ZNF613: variants seen among roughly 807,000 people sequenced by gnomAD.
ZNF613 encodes the protein zinc finger protein 613.
Under a neutral mutation model 14.3 loss-of-function variants are expected in ZNF613, and 8 were observed. The ratio of observed to expected loss-of-function variants is 0.56; its 90% CI spans 0.33 to 1.01. The LOEUF (loss-of-function observed/expected upper bound fraction) is 1.01, where lower values mean the gene tolerates loss of function less well. Among genes scored for constraint, ZNF613 ranks in the 50% least tolerant of loss-of-function variants. The pLI is 0.03. For missense variants in ZNF613, 656 were observed against 741.9 expected (o/e 0.88, Z 1.35); for synonymous variants, 228 against 254.5 (o/e 0.90, Z 0.99).
chr19:51,936,468 C>G lies in ZNF613; in HGVS notation c.15+233C>G, dbSNP rs2085306000. 2.0e-5 allele frequency among the ~76,000 whole-genome samples: 3 copies of G among 152,082 alleles called. No individual in the cohort carries two copies. In the South Asian group the frequency reaches 6.2e-4, roughly 31 times the overall value. ...TGTCTGGCATAGAGCTCCTAAAACCCTTGGAATTTCCTGAATGATAAGGGT... is the reference window on the plus strand; with the variant it reads ...TGTCTGGCATAGAGCTCCTAAAACCGTTGGAATTTCCTGAATGATAAGGGT... On this transcript the variant is annotated intron_variant, in intron 3 of 5. Transcript: ENST00000293471.
At chr19:51,940,814 GCCTCCATGTATC>G in intron 5 of ZNF613, 105 bp downstream of exon 5, 1 of 763,576 alleles carries the variant, frequency 1.3e-6, no homozygotes, top group Non-Finnish European at 2.0e-6. Flanking sequence ...TGTGGACAGA[GCCTCCATGTATC>G]CCTCTCCCCA....
rs1424940889 is a variant in ZNF613, at chr19:51,940,637, G to A, written c.163G>A (p.Asp55Asn). ...AACAGGGTATCAAGCCAGCAAACCA[G>A]ATGCACTCTTCAAGTTGGAACAAGG... ...VSVGYQASKPDALFKLEQGEP... is the reference protein window; with the variant it reads ...VSVGYQASKPNALFKLEQGEP... Residue 55 changes from aspartate to asparagine, a missense_variant, in exon 5 of 6, where the codon GAT becomes AAT. By Grantham distance (23) the Asp-to-Asn change is conservative (BLOSUM62 1). Transcript: ENST00000293471. The A allele has an allele frequency of 1.2e-6, 2 of 1,613,336 alleles. No homozygotes were observed. Among genetic ancestry groups the A allele is most frequent in the Non-Finnish European group, 1.7e-6 (2 of 1,179,662 alleles).
Position 51,945,835 on chromosome 19 carries a change from G to T in ZNF613, c.*98G>T. 7.3e-7 allele frequency: 1 copy of T among 1,374,534 alleles called. No homozygotes were observed. The allele number at this position is 1,374,534 out of a possible 1,614,324, so 85.1% of individuals were successfully genotyped here. A position where few individuals can be genotyped will look rare whatever the true frequency, so the allele number is the denominator to read the frequency against. The stretch of plus-strand genomic sequence containing the variant: ...AGGAACAAACTGATATATTCAAGGT[G>T]GAAAGCCCTTGAATAAAACCTTATG... On this transcript the variant is annotated 3_prime_UTR_variant, in exon 6 of 6. Transcript: ENST00000293471.
chr19:51,943,028 A>G (rs1044711043), intron 5 of ZNF613, among the ~76,000 whole-genome samples: 2 of 152,176 alleles, frequency 1.3e-5, no homozygotes, highest in Non-Finnish European at 2.9e-5. Flanking sequence ...TTATGAGATG[A>G]GGAAACATGA....
chr19:51,930,418 T>C (rs141390042), intron 2 of ZNF613, among the ~76,000 whole-genome samples: 2,859 of 152,126 alleles, frequency 0.019, 47 homozygotes, highest in Admixed American at 0.022. Context: ...CCTGCTACCA[T>C]GCATGGCTAA....
chr19:51,935,616 C>CTACATGTAAACA (rs2085300072), intron 2 of ZNF613, among the ~76,000 whole-genome samples: 1 of 152,176 alleles, frequency 6.6e-6, no homozygotes, highest in Non-Finnish European at 1.5e-5. Context: ...TGAGGCATGC[C>CTACATGTAAACA]TACATGTGAG....
At position 51,945,337 on chromosome 19, in the gene ZNF613, C is replaced by T. The variant is rs747059247; in HGVS notation, c.1454C>T (p.Thr485Ile). The stretch of plus-strand genomic sequence containing the variant: ...ATTCACACAGGAGAGAAACCCTATA[C>T]ATGCAGTGACTGTGGGAAAGCTTTC... ...QRIHTGEKPYTCSDCGKAFRD... is the reference protein window; with the variant it reads ...QRIHTGEKPYICSDCGKAFRD... The change falls in exon 6 of 6, where the codon ACA (threonine) becomes ATA (isoleucine). Residue 485 changes from threonine (T) to isoleucine (I), a missense_variant. Coordinates refer to ENST00000293471, the MANE Select transcript of ZNF613 (RefSeq NM_001031721.4). 4.3e-6 allele frequency: 7 copies of T among 1,614,062 alleles called. No individual in the cohort carries two copies. The East Asian group carries it at 1.1e-4, about 26-fold the overall frequency.
At chr19:51,930,044 A>C (rs1278277656) in intron 2 of ZNF613, 148 bp downstream of exon 2, 1 of 152,168 alleles carries the variant, frequency 6.6e-6, no homozygotes, top group Non-Finnish European at 1.5e-5. Context: ...CCATCACCAA[A>C]GTCAACTTTA....
Position 51,944,639 on chromosome 19 carries a change from A to C in ZNF613, c.756A>C (p.Arg252Ser). 6.2e-7 allele frequency: 1 copy of C among 1,614,196 alleles called. No individual in the cohort carries two copies. The highest frequency in any genetic ancestry group is 8.5e-7 in the Non-Finnish European group (1 of 1,180,028). ...AGTCCGGGCTCACTGAACACCAGAG[A>C]AACCACACAGGAGAGAAACCCTATG... is the stretch of plus-strand genomic sequence containing the variant. ...SRKSGLTEHQ[R>S]NHTGEKPYEC... The change falls in exon 6 of 6, where the codon AGA becomes AGC. Residue 252 changes from arginine (R) to serine (S), a missense_variant. Physicochemically the swap from Arg to Ser is moderately radical, Grantham distance 110. Transcript: ENST00000293471.
chr19:51,936,003 A>G (rs902558005), intron 2 of ZNF613, 25 bp from the exon 3 acceptor site: 1 of 440,758 alleles, frequency 2.3e-6, no homozygotes, highest in African/African-American at 2.0e-5. Context: ...CAGGGAATGT[A>G]CACTCAAATC....
chr19:51,928,247 C>A (rs1201033109), intron 1 of ZNF613, among the ~76,000 whole-genome samples: 1 of 152,070 alleles, frequency 6.6e-6, no homozygotes, highest in East Asian at 1.9e-4. Flanking sequence ...ATTTAATATG[C>A]GACTCAGTGA....
Position 51,940,271 on chromosome 19 carries a change from C to A in ZNF613, c.78C>A (p.Gly26=). ...CTTGGGAGGAGTGGCAGCTCCTCGG[C>A]CCTGCTCAGAAGGACCTGTACCGAG... ...EFTWEEWQLL[G]PAQKDLYRDV... is the part of the protein sequence containing the mutation. Residue 26 remains glycine (G), a synonymous_variant, in exon 4 of 6, where the codon GGC becomes GGA. Coordinates refer to ENST00000293471, the MANE Select transcript of ZNF613 (RefSeq NM_001031721.4). 6.2e-7 allele frequency: 1 copy of A among 1,613,770 alleles called. No homozygotes were observed. The highest frequency in any genetic ancestry group is 1.1e-5 in the South Asian group (1 of 91,066).
At chr19:51,936,787 C>G (rs2085308542) in intron 3 of ZNF613, among the ~76,000 whole-genome samples, 1 of 152,134 alleles carries the variant, frequency 6.6e-6, no homozygotes, top group African/African-American at 2.4e-5. Flanking sequence ...GCCTGGTCCT[C>G]TTTTTTTGTA....
rs1163039988 is a variant in ZNF613 at position 51,944,962 on chromosome 19, A to G, written c.1079A>G (p.Asn360Ser). ...DKAFRWKSQL[N>S]AHQKAHTGEK... ...GCATTCCGCTGGAAATCACAGCTCA[A>G]TGCACATCAGAAAGCTCACACAGGA... is the stretch of plus-strand genomic sequence containing the variant. Residue 360 changes from asparagine to serine, a missense_variant, in exon 6 of 6, where the codon AAT becomes AGT. By Grantham distance (46) the Asn-to-Ser change is conservative. Transcript: ENST00000293471. 9.9e-6 allele frequency: 16 copies of G among 1,614,058 alleles called. No homozygotes were observed. The highest frequency in any genetic ancestry group is 9.3e-5 in the African/African-American group (7 of 74,922).
At chr19:51,933,489 G>A (rs1392717084) in intron 2 of ZNF613, among the ~76,000 whole-genome samples, 1 of 151,992 alleles carries the variant, frequency 6.6e-6, no homozygotes. Context: ...TGTCACCTAG[G>A]CTGGAGTACA....
chr19:51,933,128 G>C (rs144210528), intron 2 of ZNF613, among the ~76,000 whole-genome samples: 4 of 152,276 alleles, frequency 2.6e-5, no homozygotes, highest in Non-Finnish European at 4.4e-5. Flanking sequence ...CAGAAGGAAC[G>C]TTTTAGAGTC....
At chr19:51,933,358 T>A (rs2085281772) in intron 2 of ZNF613, among the ~76,000 whole-genome samples, 2 of 152,208 alleles carry the variant, frequency 1.3e-5, no homozygotes, top group Non-Finnish European at 2.9e-5. Context: ...GAAATGCCCA[T>A]TACTTTTCCT....
chr19:51,944,491 C>T lies in ZNF613; in HGVS notation c.608C>T (p.Pro203Leu), dbSNP rs756286960. 1.9e-6 allele frequency: 3 copies of T among 1,607,632 alleles called. No homozygotes were observed. Among genetic ancestry groups the T allele is most frequent in the South Asian group, 1.1e-5 (1 of 90,534 alleles). The change falls in exon 6 of 6, where the codon CCC becomes CTC. Residue 203 changes from proline to leucine, a missense_variant. Transcript: ENST00000293471. ...CAGCGAACTCAAAACATAGATAAAC[C>T]CCATGTATGCACTGAGTGTGGGAAG... is the stretch of plus-strand genomic sequence containing the variant. ...KHQRTQNIDKPHVCTECGKAF... is the reference protein window; with the variant it reads ...KHQRTQNIDKLHVCTECGKAF...
intron 3 of ZNF613, among the ~76,000 whole-genome samples, 162 bp downstream of exon 3, chr19:51,936,397 G>C (rs867548457): frequency 1.3e-5 from 2 of 152,184 alleles, no homozygotes; most frequent in African/African-American, 4.8e-5. Context: ...AGTAGGATCA[G>C]GACTATATTG....
Sources: allele counts gnomAD v4.1 joint callset (sites outside exome capture counted in the v4.1 genomes callset), GRCh38; gene constraint gnomAD v4.1.1; transcripts MANE v1.5; gene names NCBI Gene and HGNC (gene_info 2026-07-23, HGNC 2026-07-21).